The following DENND1A variants were observed in gnomAD, a reference collection of about 807,000 sequenced individuals.
The protein encoded by DENND1A is DENN domain containing 1A.
A neutral mutation model predicts 113.7 loss-of-function variants in DENND1A; 51 were observed. That is an observed-to-expected ratio of 0.45 (90% CI 0.36 to 0.57). The LOEUF (loss-of-function observed/expected upper bound fraction) is 0.57, where lower values mean the gene tolerates loss of function less well. Among genes scored for constraint, DENND1A ranks in the 20% least tolerant of loss-of-function variants. The pLI, the probability that DENND1A is intolerant of heterozygous loss-of-function variation, is 0.00. For missense variants in DENND1A, 1,258 were observed against 1,395.9 expected (o/e 0.90, Z 1.57); for synonymous variants, 565 against 570.8 (o/e 0.99, Z 0.14).
chr9:123,406,448 G>A (rs2131379449), intron 20 of DENND1A, among the ~76,000 whole-genome samples: 1 of 152,346 alleles, frequency 6.6e-6, no homozygotes, highest in Non-Finnish European at 1.5e-5. Context: ...AAGACGATGA[G>A]TGGGTGTCTC....
intron 21 of DENND1A, chr9:123,400,313 G>A (rs567791670): frequency 8.5e-5 from 13 of 152,334 alleles, no homozygotes; most frequent in African/African-American, 3.1e-4. Context: ...TCAGCATGGG[G>A]ACTCCCTTTT....
At chr9:123,485,121 G>C (rs1287346085) in intron 13 of DENND1A, among the ~76,000 whole-genome samples, 2 of 152,208 alleles carry the variant, frequency 1.3e-5, no homozygotes, top group Non-Finnish European at 2.9e-5. Flanking sequence ...AGGATCCCCA[G>C]TGTTGGGGGA....
chr9:123,783,007 A>G (rs887843311), intron 3 of DENND1A, among the ~76,000 whole-genome samples: 4 of 152,192 alleles, frequency 2.6e-5, no homozygotes, highest in Non-Finnish European at 5.9e-5. Flanking sequence ...ACTGTACTGT[A>G]TATAAATATT....
intron 12 of DENND1A, among the ~76,000 whole-genome samples, chr9:123,576,882 C>T (rs1204837803): frequency 6.6e-6 from 1 of 152,192 alleles, no homozygotes; most frequent in African/African-American, 2.4e-5. Context: ...AGAATTACTT[C>T]TCATACCTTT....
chr9:123,651,577 T>C (rs1371513924), intron 9 of DENND1A, among the ~76,000 whole-genome samples: 4 of 152,218 alleles, frequency 2.6e-5, no homozygotes, highest in African/African-American at 9.6e-5. Flanking sequence ...GTCCCACTCC[T>C]TAGAATATAA....
At chr9:123,413,327 TATTAAA>T (rs1272091900) in intron 19 of DENND1A, 2 of 775,574 alleles carry the variant, frequency 2.6e-6, no homozygotes, top group Non-Finnish European at 1.6e-6. Context: ...GGGTTCATTA[TATTAAA>T]ATCAATTTCA....
At chr9:123,583,037 C>G (rs2058996183) in intron 12 of DENND1A, 132 bp downstream of exon 12, 3 of 643,522 alleles carry the variant, frequency 4.7e-6, no homozygotes, top group Non-Finnish European at 7.9e-6. Context: ...GGTTTCAATG[C>G]AGAAACAAAC....
intron 2 of DENND1A, among the ~76,000 whole-genome samples, chr9:123,820,854 G>A (rs992972414): frequency 1.3e-5 from 2 of 152,106 alleles, no homozygotes; most frequent in Non-Finnish European, 1.5e-5. Context: ...GAGCAATAGC[G>A]CAATCACTGC....
At chr9:123,412,323 T>C (rs2131553082) in intron 19 of DENND1A, among the ~76,000 whole-genome samples, 1 of 152,292 alleles carries the variant, frequency 6.6e-6, no homozygotes, top group South Asian at 2.1e-4. Flanking sequence ...CCACCCACCC[T>C]CCGGGTGGAA....
At chr9:123,607,547 A>AGAGTGTGT (rs1491241970) in intron 11 of DENND1A, among the ~76,000 whole-genome samples, 1 of 68,000 alleles carries the variant, frequency 1.5e-5, no homozygotes, top group African/African-American at 5.0e-5. Context: ...AGAGAGAGAG[A>AGAGTGTGT]GTGTGTGTGT....
Position 123,432,524 on chromosome 9 carries a change from G to A in DENND1A, c.1488+7836C>T, listed in dbSNP as rs1178472553. 2.6e-5 allele frequency among the ~76,000 whole-genome samples: 4 copies of A among 152,360 alleles called. No homozygotes were observed. In the South Asian group the frequency reaches 6.2e-4, roughly 24 times the overall value. On this transcript the variant is annotated intron_variant, in intron 19 of 23. Coordinates refer to ENST00000394215, the MANE Select transcript of DENND1A (RefSeq NM_001352964.2). ...GGGCACAGAGGCCGGATCAGAGCAG[G>A]AGGAGCTGGAGGGAGCGGAGTGGGG... is the stretch of plus-strand genomic sequence containing the variant.
intron 2 of DENND1A, among the ~76,000 whole-genome samples, chr9:123,877,480 T>C (rs1201192461): frequency 1.4e-5 from 2 of 143,380 alleles, no homozygotes; most frequent in African/African-American, 2.6e-5. Flanking sequence ...CAGTGCAAGA[T>C]GCCGTCTCAA....
At chr9:123,401,657 A>G (rs2043472583) in intron 21 of DENND1A, 3 of 1,470,964 alleles carry the variant, frequency 2.0e-6, no homozygotes, top group South Asian at 1.4e-5. Flanking sequence ...AGGGCATATT[A>G]AACAAACAAC....
At chr9:123,413,856 A>AT in intron 19 of DENND1A, 1 of 984,878 alleles carries the variant, frequency 1.0e-6, no homozygotes, top group Non-Finnish European at 1.2e-6. Flanking sequence ...CACACCATTC[A>AT]TCAAGAGGAA....
At chr9:123,623,851 C>T (rs1014338108) in intron 10 of DENND1A, among the ~76,000 whole-genome samples, 1 of 152,200 alleles carries the variant, frequency 6.6e-6, no homozygotes, top group African/African-American at 2.4e-5. Flanking sequence ...GTGATACCAA[C>T]AGCAGGGTCT....
intron 5 of DENND1A, 107 bp from the exon 6 acceptor site, chr9:123,676,896 G>T (rs2064112123): frequency 1.1e-5 from 11 of 1,014,490 alleles, no homozygotes; most frequent in Non-Finnish European, 1.5e-5. Context: ...ACATCCTGAA[G>T]AGTCTTCCTG....
chr9:123,552,777 T>C (rs2057178703), intron 13 of DENND1A, among the ~76,000 whole-genome samples: 1 of 152,196 alleles, frequency 6.6e-6, no homozygotes, highest in South Asian at 2.1e-4. Flanking sequence ...GACATCCCCC[T>C]GTGTCTGCTC....
At chr9:123,813,416 T>C (rs964647252) in intron 2 of DENND1A, among the ~76,000 whole-genome samples, 9 of 152,008 alleles carry the variant, frequency 5.9e-5, no homozygotes, top group African/African-American at 1.9e-4. Context: ...TTTTTTTTTT[T>C]CCAAAGGACC....
intron 2 of DENND1A, among the ~76,000 whole-genome samples, chr9:123,815,746 T>G (rs1837342643): frequency 6.6e-6 from 1 of 152,164 alleles, no homozygotes; most frequent in Non-Finnish European, 1.5e-5. Flanking sequence ...CATTATGATC[T>G]ATGTAATTTT....
Sources: gnomAD v4.1 joint callset for allele counts (sites outside exome capture counted in the v4.1 genomes callset) on GRCh38, gnomAD v4.1.1 for gene constraint, MANE v1.5 for transcripts, NCBI Gene and HGNC (gene_info 2026-07-23, HGNC 2026-07-21) for gene names.